Variants in IQSEC1 observed in about 807,000 individuals in gnomAD.
The protein encoded by IQSEC1 is IQ motif and Sec7 domain ArfGEF 1, also known as IQ motif and SEC7 domain-containing protein 1.
A neutral mutation model predicts 91.0 loss-of-function variants in IQSEC1; 31 were observed. That is an observed-to-expected ratio of 0.34 (90% CI 0.26 to 0.46). The LOEUF (loss-of-function observed/expected upper bound fraction) is 0.46, where lower values mean the gene tolerates loss of function less well. Ranked by LOEUF, IQSEC1 falls within the 20% of genes least tolerant of loss-of-function variation. The pLI, the probability that IQSEC1 is intolerant of heterozygous loss-of-function variation, is 1.00. For missense variants in IQSEC1, 1,388 were observed against 1,575.6 expected, an observed-to-expected ratio of 0.88 and a Z score of 2.02; for synonymous variants, 699 against 662.6, an observed-to-expected ratio of 1.05 and a Z score of -0.84.
chr3:12,965,687 C>G (rs574168554), intron 1 of IQSEC1, among the ~76,000 whole-genome samples: 5 of 152,160 alleles, frequency 3.3e-5, no homozygotes, highest in African/African-American at 1.2e-4. Context: ...ATGAGATGCC[C>G]GGAGGGACTT....
chr3:13,155,098 C>T lies in IQSEC1; in HGVS notation c.302+9006G>A, dbSNP rs574588288. ...CTAGTAAGAAACAAACAAAGTAAAC[C>T]CAATGCTGGCAGCAAAAGAAAATAA... On this transcript the variant is annotated intron_variant, in intron 2 of 15. Transcript: ENST00000648114. Among the ~76,000 whole-genome samples, 6 of 152,106 alleles carry T rather than the reference C, an allele frequency of 3.9e-5. No individual in the cohort carries two copies. In the South Asian group the frequency reaches 1.2e-3, roughly 32 times the overall value.
At chr3:13,205,055 C>G (rs1033359941) in intron 1 of IQSEC1, among the ~76,000 whole-genome samples, 1 of 151,914 alleles carries the variant, frequency 6.6e-6, no homozygotes, top group East Asian at 1.9e-4. Context: ...TCCTCGACCT[C>G]CCAAAGTGCT....
chr3:13,172,731 A>C (rs1693641615), intron 1 of IQSEC1, among the ~76,000 whole-genome samples: 1 of 152,222 alleles, frequency 6.6e-6, no homozygotes, highest in African/African-American at 2.4e-5. Context: ...GCCTGAGGTC[A>C]CAGTGCTGGT....
At chr3:13,107,861 G>A (rs1706177489) in intron 2 of IQSEC1, among the ~76,000 whole-genome samples, 1 of 152,210 alleles carries the variant, frequency 6.6e-6, no homozygotes, top group Non-Finnish European at 1.5e-5. Context: ...CCAGCGGCCT[G>A]CTCCCTCCCC....
At chr3:13,260,651 C>A (rs1170172226) in intron 1 of IQSEC1, among the ~76,000 whole-genome samples, 1 of 152,240 alleles carries the variant, frequency 6.6e-6, no homozygotes, top group Non-Finnish European at 1.5e-5. Flanking sequence ...GCCGCTGCCT[C>A]TTCCAACTCC....
At chr3:12,971,360 A>G (rs1031909072) in intron 1 of IQSEC1, among the ~76,000 whole-genome samples, 1 of 152,160 alleles carries the variant, frequency 6.6e-6, no homozygotes, top group African/African-American at 2.4e-5. Flanking sequence ...CGAATCCTAC[A>G]GCGCCGCCTG....
At chr3:12,957,316 C>T (rs533700729) in intron 1 of IQSEC1, among the ~76,000 whole-genome samples, 1 of 152,312 alleles carries the variant, frequency 6.6e-6, no homozygotes, top group East Asian at 1.9e-4. Context: ...TGCCCTCTGC[C>T]AGACGCTTGT....
intron 1 of IQSEC1, among the ~76,000 whole-genome samples, chr3:12,987,238 C>A (rs955705881): frequency 2.0e-5 from 3 of 152,228 alleles, no homozygotes; most frequent in African/African-American, 7.2e-5. Context: ...GGGCTGTCCG[C>A]CTTGCCCTCG....
At chr3:13,041,656 G>A (rs918925847) in intron 1 of IQSEC1, among the ~76,000 whole-genome samples, 7 of 152,148 alleles carry the variant, frequency 4.6e-5, no homozygotes, top group East Asian at 1.9e-4. Context: ...ACACACGCTC[G>A]GAAGAACCTG....
At chr3:13,116,727 C>T (rs1706341798) in intron 2 of IQSEC1, among the ~76,000 whole-genome samples, 1 of 151,966 alleles carries the variant, frequency 6.6e-6, no homozygotes. Flanking sequence ...ATGGTGAAAC[C>T]GTCTCTACTA....
In IQSEC1 at chr3:12,922,140, C is replaced by T. The variant is rs983458429; in HGVS notation, c.1833G>A (p.Glu611=). Residue 611 remains glutamate (E), a synonymous_variant, in exon 5 of 14, where the codon GAG becomes GAA. Coordinates refer to ENST00000613206, the MANE Select transcript of IQSEC1 (RefSeq NM_001134382.3). This position sits in a 1 kb window ranked among gnomAD's most constrained non-coding sequence, Gnocchi z 5.1. ...CCCACCTGAACGCCTCTATGAGCCGCTCCACTTTCTGAGCCTCCCCTTGGA... is the reference window on the plus strand; with the variant it reads ...CCCACCTGAACGCCTCTATGAGCCGTTCCACTTTCTGAGCCTCCCCTTGGA... ...IRVQGEAQKV[E]RLIEAFSQRY... 1 of 1,609,424 alleles carries T rather than the reference C, an allele frequency of 6.2e-7. No homozygotes were observed. Among genetic ancestry groups the T allele is most frequent in the Admixed American group, 1.7e-5 (1 of 59,802 alleles).
intron 12 of IQSEC1, among the ~76,000 whole-genome samples, chr3:12,906,597 G>A (rs975061874): frequency 3.9e-5 from 6 of 152,204 alleles, no homozygotes; most frequent in Admixed American, 3.3e-4. Context: ...CCTATTGTCC[G>A]TCTGAGCTCA....
chr3:12,993,859 C>T (rs2125638465), intron 1 of IQSEC1, among the ~76,000 whole-genome samples: 1 of 152,236 alleles, frequency 6.6e-6, no homozygotes, highest in Non-Finnish European at 1.5e-5. Context: ...TGCGGCCTCG[C>T]AACCTCCTTC....
At position 12,915,617 on chromosome 3, in the gene IQSEC1, T is replaced by G. The variant is rs562067887; in HGVS notation, c.2137A>C (p.Lys713Gln). The G allele has an allele frequency of 2.4e-5, 38 of 1,614,016 alleles. No homozygotes were observed. Among genetic ancestry groups the G allele is most frequent in the African/African-American group, 9.3e-5 (7 of 74,984 alleles). ...DHVSQVQKVE[K>Q]LIVGKKPIGS... ...ACCGGCTTTTTCCCCACAATGAGCT[T>G]CTCCACCTTCTGCACCTGGGACACA... The change falls in exon 7 of 14, where the codon AAG (lysine) becomes CAG (glutamine). Residue 713 changes from lysine to glutamine, a missense_variant. By Grantham distance (53) the Lys-to-Gln change is moderately conservative. This residue lies in a region of IQSEC1 where 1,059 missense variants were observed against 1,317.8 expected (regional missense o/e 0.80). Coordinates refer to ENST00000613206, the MANE Select transcript of IQSEC1 (RefSeq NM_001134382.3).
intron 1 of IQSEC1, among the ~76,000 whole-genome samples, chr3:12,958,652 G>A (rs1262477499): frequency 6.6e-6 from 1 of 152,370 alleles, no homozygotes; most frequent in South Asian, 2.1e-4. Flanking sequence ...TAGACCATCT[G>A]ATTCCACACT....
intron 1 of IQSEC1, among the ~76,000 whole-genome samples, chr3:13,059,101 A>G (rs1292401051): frequency 3.9e-5 from 6 of 152,134 alleles, no homozygotes; most frequent in Admixed American, 1.3e-4. Flanking sequence ...CACCAAGGTC[A>G]CTGTCCTGAG....
At chr3:13,022,845 T>A (rs968323893) in intron 1 of IQSEC1, among the ~76,000 whole-genome samples, 7 of 152,178 alleles carry the variant, frequency 4.6e-5, no homozygotes, top group Non-Finnish European at 1.0e-4. Flanking sequence ...CTCCAGCTGG[T>A]GAGTGAGACG....
chr3:13,083,499 C>G (rs529730251), intron 2 of IQSEC1, among the ~76,000 whole-genome samples: 1 of 152,268 alleles, frequency 6.6e-6, no homozygotes, highest in Admixed American at 6.5e-5. Context: ...TGGGGTGGCA[C>G]ATTTGGCTTG....
At chr3:13,093,336 G>A (rs1705898377) in intron 2 of IQSEC1, among the ~76,000 whole-genome samples, 1 of 152,094 alleles carries the variant, frequency 6.6e-6, no homozygotes, top group Admixed American at 6.6e-5. Flanking sequence ...CTGCTGCAGG[G>A]ATGCATGCTC....
Sources: allele counts gnomAD v4.1 joint callset (sites outside exome capture counted in the v4.1 genomes callset), GRCh38; gene constraint gnomAD v4.1.1; regional missense constraint gnomAD v4.1.1; non-coding constraint Gnocchi (gnomAD v3.1); transcripts MANE v1.5; gene names NCBI Gene and HGNC (gene_info 2026-07-23, HGNC 2026-07-21).